Variants in KDM4B observed in about 807,000 individuals in gnomAD.
KDM4B encodes lysine demethylase 4B.
Under a neutral mutation model 125.2 loss-of-function variants are expected in KDM4B, and 32 were observed. That is an observed-to-expected ratio of 0.26 (90% CI 0.19 to 0.34). The LOEUF (loss-of-function observed/expected upper bound fraction) is 0.34. Among genes scored for constraint, KDM4B ranks in the 10% least tolerant of loss-of-function variants. KDM4B has a pLI of 1.00. For missense variants in KDM4B, 1,190 were observed against 1,577.7 expected (o/e 0.75, Z 4.16); for synonymous variants, 721 against 677.9 (o/e 1.06, Z -0.99).
chr19:5,086,849 G>T (rs578073392), intron 9 of KDM4B, among the ~76,000 whole-genome samples: 2 of 152,382 alleles, frequency 1.3e-5, no homozygotes, highest in African/African-American at 2.4e-5. Context: ...CTGCCCCATG[G>T]CAGGCAGGAG....
chr19:5,068,995 C>G (rs2037862888), intron 6 of KDM4B, among the ~76,000 whole-genome samples: 1 of 152,192 alleles, frequency 6.6e-6, no homozygotes, highest in Admixed American at 6.5e-5. Flanking sequence ...CAGCATCTTC[C>G]CAGAAGGAGC....
chr19:5,106,626 G>T (rs940384421), intron 9 of KDM4B, among the ~76,000 whole-genome samples: 1 of 152,236 alleles, frequency 6.6e-6, no homozygotes, highest in Non-Finnish European at 1.5e-5. Context: ...CAGGAGCACT[G>T]TGAAGCCTCT....
chr19:5,011,511 G>A (rs533504814), intron 1 of KDM4B, among the ~76,000 whole-genome samples: 1 of 152,342 alleles, frequency 6.6e-6, no homozygotes, highest in African/African-American at 2.4e-5. Flanking sequence ...ACCTTCCTGT[G>A]GGGCTGAAGA....
chr19:5,127,027 C>T (rs1439018933), intron 11 of KDM4B, among the ~76,000 whole-genome samples: 2 of 152,198 alleles, frequency 1.3e-5, no homozygotes, highest in South Asian at 4.1e-4. Flanking sequence ...GAAACCCCGG[C>T]GCTGGGGAGG....
rs1362423695 is a variant in KDM4B, at chr19:4,997,583, C to T, written c.-108-18674C>T. Among the ~76,000 whole-genome samples the T allele has an allele frequency of 6.6e-6, 1 of 152,232 alleles. No individual in the cohort carries two copies. Among genetic ancestry groups the T allele is most frequent in the African/African-American group, 2.4e-5 (1 of 41,462 alleles). On this transcript the variant is annotated intron_variant, in intron 1 of 22. Transcript: ENST00000159111. This position sits in a 1 kb window ranked among gnomAD's most constrained non-coding sequence, Gnocchi z 4.2. ...GGTAGGCCACTTCCTGCCTGTGCCT[C>T]AGTTTCCTCTCCTGGGAAATGGGCT... is the stretch of plus-strand genomic sequence containing the variant.
At chr19:5,052,650 G>A (rs1392027926) in intron 6 of KDM4B, among the ~76,000 whole-genome samples, 1 of 152,206 alleles carries the variant, frequency 6.6e-6, no homozygotes, top group African/African-American at 2.4e-5. Context: ...TCCCTCCTGG[G>A]CTCCCTCAGT....
intron 2 of KDM4B, among the ~76,000 whole-genome samples, chr19:5,023,221 G>A (rs529443089): frequency 1.3e-5 from 2 of 152,296 alleles, no homozygotes; most frequent in South Asian, 2.1e-4. Context: ...AACCTGGCAC[G>A]CGCTGGTGCT....
chr19:4,983,005 A>G (rs1216750924), intron 1 of KDM4B, among the ~76,000 whole-genome samples: 1 of 152,218 alleles, frequency 6.6e-6, no homozygotes, highest in Non-Finnish European at 1.5e-5. Flanking sequence ...TAAAAGGTGA[A>G]GAGAAATGGG....
chr19:5,095,943 A>T (rs2038812752), intron 9 of KDM4B, among the ~76,000 whole-genome samples: 1 of 152,218 alleles, frequency 6.6e-6, no homozygotes, highest in Non-Finnish European at 1.5e-5. Context: ...AGCCGCTGTG[A>T]GGCAGAGTGT....
At chr19:5,096,232 G>A (rs2038819784) in intron 9 of KDM4B, among the ~76,000 whole-genome samples, 1 of 151,924 alleles carries the variant, frequency 6.6e-6, no homozygotes, top group African/African-American at 2.4e-5. Flanking sequence ...GACTACAGGT[G>A]CGCCACCACA....
At chr19:5,084,070 A>T (rs959913614) in intron 9 of KDM4B, among the ~76,000 whole-genome samples, 48 of 151,906 alleles carry the variant, frequency 3.2e-4, no homozygotes, top group African/African-American at 1.1e-3. Flanking sequence ...AACATGGTGA[A>T]ACCCTGTCTC....
chr19:5,032,175 C>T (rs1011852932), intron 2 of KDM4B, among the ~76,000 whole-genome samples: 1 of 152,196 alleles, frequency 6.6e-6, no homozygotes, highest in Non-Finnish European at 1.5e-5. Context: ...AGTCTGACTC[C>T]GATGTTTCCA....
intron 21 of KDM4B, among the ~76,000 whole-genome samples, chr19:5,145,803 C>T (rs1900495434): frequency 6.6e-6 from 1 of 152,190 alleles, no homozygotes; most frequent in Admixed American, 6.5e-5. Flanking sequence ...CTCAGAGTCA[C>T]CTCGGGTCAC....
intron 11 of KDM4B, among the ~76,000 whole-genome samples, chr19:5,129,646 G>A (rs1054724231): frequency 1.3e-5 from 2 of 152,218 alleles, no homozygotes; most frequent in Non-Finnish European, 2.9e-5. Context: ...GGACCTTCCA[G>A]TTTTAGCACT....
At chr19:4,994,888 T>C (rs1159093926) in intron 1 of KDM4B, among the ~76,000 whole-genome samples, 1 of 152,236 alleles carries the variant, frequency 6.6e-6, no homozygotes, top group East Asian at 1.9e-4. Context: ...GCTGTCGGTC[T>C]TATAGGCATC....
chr19:5,097,405 C>G (rs1237063158), intron 9 of KDM4B, among the ~76,000 whole-genome samples: 1 of 152,176 alleles, frequency 6.6e-6, no homozygotes, highest in Non-Finnish European at 1.5e-5. Context: ...TATTGCACCA[C>G]CATGCCCAGC....
intron 1 of KDM4B, among the ~76,000 whole-genome samples, chr19:5,002,188 G>C (rs1370771186): frequency 6.6e-6 from 1 of 152,128 alleles, no homozygotes; most frequent in East Asian, 1.9e-4. Context: ...AGTAGAGATA[G>C]GGTTTCGCCA....
At chr19:5,016,070 A>G (rs2035884095) in intron 1 of KDM4B, among the ~76,000 whole-genome samples, 187 bp from the exon 2 acceptor site, 1 of 152,204 alleles carries the variant, frequency 6.6e-6, no homozygotes, top group Non-Finnish European at 1.5e-5. Flanking sequence ...CCCTCATTGG[A>G]AAACTTGACT....
chr19:5,089,593 A>G (rs2038622199), intron 9 of KDM4B, among the ~76,000 whole-genome samples: 1 of 152,074 alleles, frequency 6.6e-6, no homozygotes, highest in South Asian at 2.1e-4. Context: ...GAACTGGGAA[A>G]GGGAGATTTG....
Sources: gnomAD v4.1 joint callset for allele counts (sites outside exome capture counted in the v4.1 genomes callset) on GRCh38, gnomAD v4.1.1 for gene constraint, Gnocchi (gnomAD v3.1) non-coding constraint, MANE v1.5 for transcripts, NCBI Gene and HGNC (gene_info 2026-07-23, HGNC 2026-07-21) for gene names.